Variants in CEP63 observed in about 807,000 individuals in gnomAD.
The protein encoded by CEP63 is centrosomal protein 63.
Under a neutral mutation model 89.1 loss-of-function variants are expected in CEP63, and 84 were observed. The ratio of observed to expected loss-of-function variants is 0.94; its 90% CI spans 0.79 to 1.13. CEP63 has a LOEUF of 1.13. CEP63 is among the 50% of genes most tolerant of loss of function. The pLI is 0.00. For missense variants in CEP63, 838 were observed against 813.3 expected (o/e 1.03, Z -0.37); for synonymous variants, 267 against 272.5 (o/e 0.98, Z 0.20).
chr3:134,516,971 A>G (rs1946387932), intron 3 of CEP63, among the ~76,000 whole-genome samples: 2 of 152,158 alleles, frequency 1.3e-5, no homozygotes, highest in East Asian at 3.9e-4. Context: ...CTTAGATCTT[A>G]GGTCAAGGTT....
downstream of CEP63, among the ~76,000 whole-genome samples, chr3:134,575,491 C>CCGTTTCTTCCTTTCTTT (rs1958193863): frequency 9.0e-6 from 1 of 111,226 alleles, no homozygotes; most frequent in Non-Finnish European, 1.9e-5. Context: ...CTCCCTCCCT[C>CCGTTTCTTCCTTTCTTT]CCTTTCTTCC....
At chr3:134,624,374 C>A in the CEP63 span, among the ~76,000 whole-genome samples, 3 of 152,186 alleles carry the variant, frequency 2.0e-5, no homozygotes, top group South Asian at 2.1e-4. Context: ...ACTCACCATC[C>A]ACTCATTATT....
At chr3:134,635,176 A>G in the CEP63 span, among the ~76,000 whole-genome samples, 1 of 152,224 alleles carries the variant, frequency 6.6e-6, no homozygotes, top group Non-Finnish European at 1.5e-5. Flanking sequence ...GTGAATGGAT[A>G]AACAACCTGT....
the CEP63 span, among the ~76,000 whole-genome samples, chr3:134,722,468 G>T: frequency 1.3e-5 from 2 of 151,774 alleles, no homozygotes; most frequent in Non-Finnish European, 2.9e-5. Context: ...TCTTACTAAA[G>T]GTTTGTCAAT....
At chr3:134,692,723 C>T in the CEP63 span, among the ~76,000 whole-genome samples, 2 of 152,074 alleles carry the variant, frequency 1.3e-5, no homozygotes, top group Non-Finnish European at 2.9e-5. Flanking sequence ...TCAAAAGACC[C>T]CCTTCACACA....
the CEP63 span, among the ~76,000 whole-genome samples, chr3:134,681,012 G>A: frequency 7.2e-5 from 11 of 152,312 alleles, no homozygotes; most frequent in South Asian, 6.2e-4. Flanking sequence ...GGTGGCACTC[G>A]GGACAGGAGC....
the CEP63 span, among the ~76,000 whole-genome samples, chr3:134,716,812 C>A: frequency 2.6e-5 from 4 of 152,178 alleles, no homozygotes; most frequent in South Asian, 8.3e-4. Flanking sequence ...TTACTTTACA[C>A]CCTTTCAGTT....
chr3:134,691,904 G>T, the CEP63 span, among the ~76,000 whole-genome samples: 13 of 151,966 alleles, frequency 8.6e-5, no homozygotes, highest in Non-Finnish European at 1.5e-4. Flanking sequence ...TAGAGATGAG[G>T]TTTCACCATG....
intron 3 of CEP63, among the ~76,000 whole-genome samples, chr3:134,530,304 A>G (rs1240987331): frequency 6.6e-6 from 1 of 152,210 alleles, no homozygotes; most frequent in Non-Finnish European, 1.5e-5. Context: ...TTCGTTTTAT[A>G]AGATCTTTGC....
the CEP63 span, among the ~76,000 whole-genome samples, chr3:134,614,088 G>A: frequency 6.6e-6 from 1 of 152,170 alleles, no homozygotes; most frequent in Admixed American, 6.5e-5. Context: ...TATGGGAACT[G>A]TCACTGGAAC....
At chr3:134,727,723 G>C in the CEP63 span, among the ~76,000 whole-genome samples, 1 of 152,128 alleles carries the variant, frequency 6.6e-6, no homozygotes, top group African/African-American at 2.4e-5. Context: ...ATGATGTCTA[G>C]GATTTGCCTA....
chr3:134,765,923 C>CA, the CEP63 span, among the ~76,000 whole-genome samples: 1 of 152,204 alleles, frequency 6.6e-6, no homozygotes, highest in Non-Finnish European at 1.5e-5. Flanking sequence ...ACAGTGCCTG[C>CA]AGCACAGAAT....
At chr3:134,596,061 T>C in the CEP63 span, among the ~76,000 whole-genome samples, 2,055 of 9,194 alleles carry the variant, frequency 0.22, 45 homozygotes, top group African/African-American at 0.41. Context: ...TGTTGGTCTC[T>C]GGGTGGGTGG....
At chr3:134,749,998 G>T in the CEP63 span, among the ~76,000 whole-genome samples, 6 of 152,216 alleles carry the variant, frequency 3.9e-5, no homozygotes, top group Admixed American at 1.3e-4. Context: ...CAGTATGTGA[G>T]CTTGGCATTG....
the CEP63 span, among the ~76,000 whole-genome samples, chr3:134,639,204 C>T: frequency 1.3e-5 from 2 of 151,892 alleles, no homozygotes; most frequent in African/African-American, 2.4e-5. Flanking sequence ...ACCCAGGATG[C>T]AGTAGTCAGG....
At chr3:134,696,605 G>A in the CEP63 span, among the ~76,000 whole-genome samples, 1 of 152,178 alleles carries the variant, frequency 6.6e-6, no homozygotes, top group Admixed American at 6.5e-5. Flanking sequence ...AAGAATGATT[G>A]CCCATAGTAC....
chr3:134,687,603 C>A, the CEP63 span, among the ~76,000 whole-genome samples: 1 of 152,178 alleles, frequency 6.6e-6, no homozygotes. Flanking sequence ...GGATGGAGGG[C>A]TGTGGGAAGT....
the CEP63 span, chr3:134,755,788 C>A: frequency 4.0e-4 from 61 of 152,368 alleles, no homozygotes; most frequent in African/African-American, 1.5e-3. Flanking sequence ...TGTTTGATGG[C>A]AGAAAGAGCT....
At chr3:134,740,073 A>G in the CEP63 span, among the ~76,000 whole-genome samples, 1 of 152,046 alleles carries the variant, frequency 6.6e-6, no homozygotes, top group Middle Eastern at 3.2e-3. Context: ...AGGCAATGGA[A>G]GTAGAACACG....
Sources: gnomAD v4.1 joint callset for allele counts (sites outside exome capture counted in the v4.1 genomes callset) on GRCh38, gnomAD v4.1.1 for gene constraint, MANE v1.5 for transcripts, NCBI Gene and HGNC (gene_info 2026-07-23, HGNC 2026-07-21) for gene names.